PEAK1: variants seen among roughly 807,000 people sequenced by gnomAD.
PEAK1 encodes the protein inactive tyrosine-protein kinase PEAK1.
PEAK1 carries 54 observed loss-of-function variants against 124.7 expected under a neutral mutation model. That is an observed-to-expected ratio of 0.43 (90% CI 0.35 to 0.54). The LOEUF is 0.54. Ranked by LOEUF, PEAK1 falls within the 20% of genes least tolerant of loss-of-function variation. PEAK1 has a pLI of 0.01. For synonymous variants in PEAK1, 719 were observed against 760.0 expected, an observed-to-expected ratio of 0.95 and a Z score of 0.89; for missense variants, 2,046 against 2,134.5, an observed-to-expected ratio of 0.96 and a Z score of 0.82.
intron 7 of PEAK1, among the ~76,000 whole-genome samples, chr15:77,163,941 C>T (rs1042762580): frequency 6.6e-6 from 1 of 152,098 alleles, no homozygotes; most frequent in African/African-American, 2.4e-5. Context: ...TCCAGAGCTG[C>T]GTATTTCTGG....
chr15:77,149,075 T>A (rs1270431983), intron 8 of PEAK1, among the ~76,000 whole-genome samples: 3 of 152,196 alleles, frequency 2.0e-5, no homozygotes, highest in Non-Finnish European at 4.4e-5. Context: ...TATTCCTTCA[T>A]TTTGGATGAG....
chr15:77,117,383 A>C (rs1170228442), intron 9 of PEAK1, among the ~76,000 whole-genome samples: 1 of 152,242 alleles, frequency 6.6e-6, no homozygotes, highest in African/African-American at 2.4e-5. Flanking sequence ...TTCACAGGGC[A>C]GTTGTGAGGA....
At chr15:77,370,726 T>G in intron 1 of PEAK1, 1 of 985,130 alleles carries the variant, frequency 1.0e-6, no homozygotes, top group South Asian at 4.7e-5. Context: ...ATAACTTTTG[T>G]GAACATAAAA....
At chr15:77,343,523 G>A (rs866025031) in intron 2 of PEAK1, among the ~76,000 whole-genome samples, 8 of 128,380 alleles carry the variant, frequency 6.2e-5, no homozygotes, top group Admixed American at 9.7e-5. Flanking sequence ...GTCTCGCTCC[G>A]TTGCTTAGGT....
intron 6 of PEAK1, among the ~76,000 whole-genome samples, chr15:77,232,251 A>G (rs1348459650): frequency 6.6e-6 from 1 of 152,116 alleles, no homozygotes; most frequent in Non-Finnish European, 1.5e-5. Context: ...TTTACTAGTA[A>G]AATGCCAACC....
intron 1 of PEAK1, among the ~76,000 whole-genome samples, chr15:77,365,980 A>G (rs1384628503): frequency 2.6e-5 from 4 of 152,200 alleles, no homozygotes; most frequent in Admixed American, 6.5e-5. Flanking sequence ...AATAAAACCA[A>G]TGTCTACTAA....
chr15:77,372,236 T>C (rs780755813), intron 1 of PEAK1, among the ~76,000 whole-genome samples: 2 of 152,212 alleles, frequency 1.3e-5, no homozygotes, highest in Non-Finnish European at 2.9e-5. Flanking sequence ...TATTCAAGCA[T>C]GTACAAATAT....
At chr15:77,357,186 T>C (rs957476711) in intron 2 of PEAK1, among the ~76,000 whole-genome samples, 27 of 152,202 alleles carry the variant, frequency 1.8e-4, no homozygotes, top group African/African-American at 6.3e-4. Context: ...GGGAGGATCA[T>C]GTGAGACGAG....
At chr15:77,375,581 G>A (rs924528165) in intron 1 of PEAK1, among the ~76,000 whole-genome samples, 1 of 152,158 alleles carries the variant, frequency 6.6e-6, no homozygotes. Context: ...TAGCCAGTTG[G>A]CTTAAGAGCT....
intron 7 of PEAK1, among the ~76,000 whole-genome samples, chr15:77,166,715 AC>A (rs2056126364): frequency 6.6e-6 from 1 of 152,192 alleles, no homozygotes; most frequent in South Asian, 2.1e-4. Context: ...TGAGATTCAA[AC>A]CCTGTAGCTT....
rs558315043 is a variant in PEAK1, at chr15:77,259,315, T to C, written c.-274-6789A>G. ...TCTAATGAATGTTAATAATTTTATA[T>C]TTAAAATTAGTATCTCATAATAGAG... is the stretch of plus-strand genomic sequence containing the variant. On this transcript the variant is annotated intron_variant, in intron 5 of 9. Coordinates refer to ENST00000682557, the MANE Select transcript of PEAK1 (RefSeq NM_001385026.1). Among the ~76,000 whole-genome samples the C allele has an allele frequency of 2.8e-4, 42 of 152,290 alleles. No individual in the cohort carries two copies. In the South Asian group the frequency reaches 8.3e-3, roughly 30 times the overall value.
intron 2 of PEAK1, among the ~76,000 whole-genome samples, chr15:77,324,224 T>C (rs2065424606): frequency 6.6e-6 from 1 of 152,204 alleles, no homozygotes; most frequent in South Asian, 2.1e-4. Flanking sequence ...ACGCCTGTAA[T>C]CCCAGCACTT....
rs553734687 is a variant in PEAK1 at position 77,347,614 on chromosome 15, C to T, written c.-603+17549G>A. The stretch of plus-strand genomic sequence containing the variant: ...GTTTGACCTACACATTTGAGATAGC[C>T]CAGAGACTTTAAAAAAATTTTAATG... On this transcript the variant is annotated intron_variant, in intron 2 of 9. Transcript: ENST00000682557. 8.3e-5 allele frequency: 82 copies of T among 984,922 alleles called. No homozygotes were observed. The African/African-American group carries it at 9.8e-4, about 12-fold the overall frequency. The allele number at this position is 984,922 out of a possible 1,614,324, so 61.0% of individuals were successfully genotyped here.
In PEAK1 at chr15:77,255,339, G is replaced by C. The variant is rs2061077417; in HGVS notation, c.-274-2813C>G. On this transcript the variant is annotated intron_variant, in intron 5 of 9. Transcript: ENST00000682557. ...TACTAACAATGGAAATTCTGTTTGGGTTCTGACTCTCCATTTATTCCAAGC... is the reference window on the plus strand; with the variant it reads ...TACTAACAATGGAAATTCTGTTTGGCTTCTGACTCTCCATTTATTCCAAGC... 3 of 967,442 alleles carry C rather than the reference G, an allele frequency of 3.1e-6. No homozygotes were observed. The South Asian group carries it at 1.4e-4, about 46-fold the overall frequency. The allele number at this position is 967,442 out of a possible 1,614,324, so 59.9% of individuals were successfully genotyped here.
intron 1 of PEAK1, among the ~76,000 whole-genome samples, chr15:77,398,585 T>A (rs1351766252): frequency 1.3e-5 from 2 of 151,752 alleles, no homozygotes; most frequent in Non-Finnish European, 2.9e-5. Flanking sequence ...TAAAAAAAAA[T>A]TCAAAAAACT....
At chr15:77,300,788 T>C (rs2063745809) in intron 2 of PEAK1, among the ~76,000 whole-genome samples, 1 of 152,176 alleles carries the variant, frequency 6.6e-6, no homozygotes, top group African/African-American at 2.4e-5. Context: ...TGTATTCGTT[T>C]CCTGTGGCTG....
At chr15:77,404,558 A>T (rs967296978) in intron 1 of PEAK1, 26 of 751,008 alleles carry the variant, frequency 3.5e-5, no homozygotes, top group Non-Finnish European at 4.1e-5. Context: ...TACTTTTTTA[A>T]ATGTGGCTAC....
At chr15:77,117,006 G>A (rs1312987788) in intron 9 of PEAK1, among the ~76,000 whole-genome samples, 1 of 151,998 alleles carries the variant, frequency 6.6e-6, no homozygotes, top group African/African-American at 2.4e-5. Flanking sequence ...TGCACTGTTG[G>A]CAATATTTCA....
chr15:77,161,528 T>G (rs2055639631), intron 7 of PEAK1, among the ~76,000 whole-genome samples: 1 of 152,222 alleles, frequency 6.6e-6, no homozygotes, highest in Non-Finnish European at 1.5e-5. Flanking sequence ...TTGATAAAAG[T>G]AAAATCACAT....
Sources: allele counts gnomAD v4.1 joint callset (sites outside exome capture counted in the v4.1 genomes callset), GRCh38; gene constraint gnomAD v4.1.1; transcripts MANE v1.5; gene names NCBI Gene and HGNC (gene_info 2026-07-23, HGNC 2026-07-21).